Variants in ZNF717 observed in about 807,000 individuals in gnomAD.
ZNF717 encodes zinc finger protein 717.
Under a neutral mutation model 13.8 loss-of-function variants are expected in ZNF717, and 9 were observed. The ratio of observed to expected loss-of-function variants is 0.65; its 90% CI spans 0.39 to 1.14. ZNF717 has a LOEUF of 1.14. Ranked by LOEUF, ZNF717 falls within the 50% of genes most tolerant of loss-of-function variation. The pLI, the probability that ZNF717 is intolerant of heterozygous loss-of-function variation, is 0.01. For synonymous variants in ZNF717, 327 were observed against 364.1 expected (o/e 0.90, Z 1.16); for missense variants, 1,040 against 1,080.7 (o/e 0.96, Z 0.53).
intron 2 of ZNF717, among the ~76,000 whole-genome samples, chr3:75,745,167 T>TTC (rs1553667272): frequency 2.2e-4 from 34 of 151,286 alleles, no homozygotes; most frequent in Non-Finnish European, 3.7e-4. Flanking sequence ...TTTTTTTTTT[T>TTC]CTTTCTGTCT....
chr3:75,702,515 G>T (rs1356568589), intron 6 of ZNF717, among the ~76,000 whole-genome samples: 11 of 151,946 alleles, frequency 7.2e-5, no homozygotes, highest in African/African-American at 2.7e-4. Context: ...GTGCTAAATG[G>T]GTTAAAACAA....
intron 6 of ZNF717, among the ~76,000 whole-genome samples, chr3:75,696,400 T>C (rs1937603622): frequency 6.6e-6 from 1 of 152,292 alleles, no homozygotes; most frequent in South Asian, 2.1e-4. Context: ...TACCCTGATA[T>C]CAAAACCAGA....
At chr3:75,746,098 C>T (rs1232286144) in intron 2 of ZNF717, among the ~76,000 whole-genome samples, 6 of 152,044 alleles carry the variant, frequency 3.9e-5, no homozygotes, top group Admixed American at 2.0e-4. Context: ...TGTTCAATTC[C>T]GACCTATGAG....
At chr3:75,739,702 T>C (rs190560136) in intron 4 of ZNF717, among the ~76,000 whole-genome samples, 278 of 152,114 alleles carry the variant, frequency 1.8e-3, no homozygotes, top group African/African-American at 6.0e-3. Flanking sequence ...CATATAACAA[T>C]AGTGGCTGTT....
chr3:75,733,218 C>A (rs796411193), downstream of ZNF717, among the ~76,000 whole-genome samples: 1 of 151,524 alleles, frequency 6.6e-6, no homozygotes, highest in Non-Finnish European at 1.5e-5. Flanking sequence ...TGTGGGACAG[C>A]TAGAAAAGGT....
rs1333816391 is a variant in ZNF717 at position 75,738,023 on chromosome 3, G to GT, written c.1599dup (p.Pro534ThrfsTer5). On this transcript the variant is annotated frameshift_variant, in exon 5 of 5. Coordinates refer to ENST00000652011, the MANE Select transcript of ZNF717 (RefSeq NM_001290208.3). LOFTEE classifies it low-confidence loss of function (END_TRUNC). ...TTTCCACATTCGTTACATGCGTATG[G>GT]TTTTTCCCCAGCATGAGTTCTCTGA... is the stretch of plus-strand genomic sequence containing the variant. The GT allele has an allele frequency of 6.7e-6, 9 of 1,343,424 alleles. No individual in the cohort carries two copies. In the African/African-American group the frequency reaches 1.2e-4, roughly 17 times the overall value. The allele number at this position is 1,343,424 out of a possible 1,614,324, so 83.2% of individuals were successfully genotyped here.
intron 6 of ZNF717, among the ~76,000 whole-genome samples, chr3:75,697,411 G>C (rs1937615319): frequency 1.3e-5 from 2 of 152,300 alleles, no homozygotes; most frequent in Non-Finnish European, 2.9e-5. Context: ...CTCATAAATG[G>C]CTTAGCACCA....
At chr3:75,718,029 G>A (rs2106853218) in intron 4 of ZNF717, among the ~76,000 whole-genome samples, 1 of 152,306 alleles carries the variant, frequency 6.6e-6, no homozygotes, top group East Asian at 1.9e-4. Flanking sequence ...ACAGGGAACA[G>A]GGAGAAGACA....
rs566345438 is a variant in ZNF717, at chr3:75,760,854, C to T, written c.58-19118G>A. ...AGAAAAAAGAAAGGAAAAAAAAACA[C>T]TGAGTTTGTTTTTTTAAAGATCAAT... On this transcript the variant is annotated intron_variant, in intron 2 of 4. Coordinates refer to ENST00000652011, the MANE Select transcript of ZNF717 (RefSeq NM_001290208.3). Among the ~76,000 whole-genome samples the T allele has an allele frequency of 1.9e-3, 286 of 151,228 alleles. 1 individual carries two copies. The highest frequency in any genetic ancestry group is 3.6e-3 in the Non-Finnish European group (244 of 67,860).
chr3:75,760,572 T>C (rs1296928494), intron 2 of ZNF717, among the ~76,000 whole-genome samples: 1 of 152,114 alleles, frequency 6.6e-6, no homozygotes, highest in African/African-American at 2.4e-5. Context: ...CAGCTGCAGA[T>C]GCTTAAATTA....
At chr3:75,696,859 C>G (rs1318546196) in intron 6 of ZNF717, among the ~76,000 whole-genome samples, 2 of 151,172 alleles carry the variant, frequency 1.3e-5, no homozygotes, top group East Asian at 3.9e-4. Flanking sequence ...CACCATTGCA[C>G]TCCAACCTGG....
downstream of ZNF717, among the ~76,000 whole-genome samples, chr3:75,729,773 G>A (rs1431070127): frequency 1.3e-5 from 2 of 152,188 alleles, no homozygotes; most frequent in South Asian, 2.1e-4. Flanking sequence ...TTATCTTGGA[G>A]CCATCTTATT....
At chr3:75,724,415 A>G (rs1938234734) in intron 4 of ZNF717, among the ~76,000 whole-genome samples, 1 of 150,752 alleles carries the variant, frequency 6.6e-6, no homozygotes, top group East Asian at 2.0e-4. Context: ...CCCCTGGCTA[A>G]TATTTTTTGT....
intron 4 of ZNF717, among the ~76,000 whole-genome samples, chr3:75,719,594 G>A (rs1304172055): frequency 3.3e-5 from 5 of 152,126 alleles, no homozygotes; most frequent in Non-Finnish European, 7.3e-5. Context: ...CCGCCTCAGT[G>A]TGTGCCCTAA....
chr3:75,774,912 C>A (rs1351372261), intron 2 of ZNF717, among the ~76,000 whole-genome samples: 1 of 151,822 alleles, frequency 6.6e-6, no homozygotes, highest in African/African-American at 2.4e-5. Flanking sequence ...AGCCACTGCA[C>A]CTGGCCAGGA....
chr3:75,756,500 A>C (rs368465889), intron 2 of ZNF717, among the ~76,000 whole-genome samples: 1 of 138,800 alleles, frequency 7.2e-6, no homozygotes, highest in Non-Finnish European at 1.6e-5. Context: ...ACTTAGCCAA[A>C]TTGTGAATGC....
chr3:75,743,130 A>G (rs1940691338), intron 2 of ZNF717, among the ~76,000 whole-genome samples: 1 of 152,202 alleles, frequency 6.6e-6, no homozygotes, highest in Non-Finnish European at 1.5e-5. Flanking sequence ...TATGATCTTC[A>G]CAAAACAATG....
chr3:75,738,777 G>C lies in ZNF717; in HGVS notation c.846C>G (p.Pro282=). 1.3e-6 allele frequency: 2 copies of C among 1,553,100 alleles called. No individual in the cohort carries two copies. Among genetic ancestry groups the C allele is most frequent in the South Asian group, 1.2e-5 (1 of 84,108 alleles). ...GTTTCTCACATTCAACACATTCATA[G>C]GGTTTCTCTCCTGTGTGTGTCTGCT... ...KHQQTHTGEK[P]YECVECEKPS... is the part of the protein sequence containing the mutation. Residue 282 remains proline, a synonymous_variant, in exon 5 of 5, where the codon CCC becomes CCG. Transcript: ENST00000652011.
intron 2 of ZNF717, 82 bp downstream of exon 2, chr3:75,783,224 A>G (rs1944937400): frequency 9.2e-7 from 1 of 1,081,490 alleles, no homozygotes; most frequent in Non-Finnish European, 1.4e-6. Context: ...ACTTATTTCC[A>G]CTTTTCTTTT....
Sources: gnomAD v4.1 joint callset for allele counts (sites outside exome capture counted in the v4.1 genomes callset) on GRCh38, gnomAD v4.1.1 for gene constraint, MANE v1.5 for transcripts, NCBI Gene and HGNC (gene_info 2026-07-23, HGNC 2026-07-21) for gene names.